Variants in ZNF41 observed in about 807,000 individuals in gnomAD.
The protein encoded by ZNF41 is zinc finger protein 41.
ZNF41 carries 6 observed loss-of-function variants against 9.3 expected under a neutral mutation model. That is an observed-to-expected ratio of 0.65 (90% confidence interval 0.35 to 1.28). The LOEUF is 1.28. Among genes scored for constraint, ZNF41 ranks in the 50% most tolerant of loss-of-function variants. The pLI is 0.03. For missense variants in ZNF41, 523 were observed against 585.8 expected (o/e 0.89, Z 1.11); for synonymous variants, 192 against 207.1 (o/e 0.93, Z 0.63).
chrX:47,469,305 C>G (rs1400013494), intron 1 of ZNF41, among the ~76,000 whole-genome samples: 1 of 48,059 alleles, frequency 2.1e-5, no homozygotes, highest in African/African-American at 9.9e-5. Context: ...AGCGAGACTC[C>G]GTCTCAAAAA....
At chrX:47,451,650 C>T (rs1253515366) in intron 4 of ZNF41, among the ~76,000 whole-genome samples, 5 of 112,540 alleles carry the variant, frequency 4.4e-5, no homozygotes, top group Non-Finnish European at 7.5e-5. Context: ...CCAAGGCAGG[C>T]GGATCACCTG....
intron 2 of ZNF41, among the ~76,000 whole-genome samples, chrX:47,464,400 T>G (rs966555861): frequency 2.7e-5 from 3 of 111,607 alleles, no homozygotes; most frequent in African/African-American, 9.8e-5. Flanking sequence ...CTCTGCTTCT[T>G]CTCCATCTTC....
In ZNF41 at chrX:47,475,406, G is replaced by A. The variant is rs187342969; in HGVS notation, c.-279-7646C>T. 9.9e-5 allele frequency among the ~76,000 whole-genome samples: 11 copies of A among 110,935 alleles called. 1 individual carries two copies. The highest frequency in any genetic ancestry group is 3.3e-4 in the African/African-American group (10 of 30,664). Reference sequence around the variant, plus strand: ...AGTTAAAATTTGCCATTTTAAAAAAGGCATCAGTTCTAAATGTGTATATAG... The same window carrying A: ...AGTTAAAATTTGCCATTTTAAAAAAAGCATCAGTTCTAAATGTGTATATAG... On this transcript the variant is annotated intron_variant, in intron 1 of 4. Transcript: ENST00000684689.
At chrX:47,451,424 C>A (rs2056359663) in intron 4 of ZNF41, among the ~76,000 whole-genome samples, 1 of 112,448 alleles carries the variant, frequency 8.9e-6, no homozygotes, top group East Asian at 2.8e-4. Flanking sequence ...CCCAGTTACC[C>A]TGATGTGATT....
chrX:47,466,597 C>A (rs1248688563), intron 2 of ZNF41, among the ~76,000 whole-genome samples: 2 of 110,954 alleles, frequency 1.8e-5, no homozygotes, highest in African/African-American at 6.6e-5. Context: ...TCACTGCAAC[C>A]TCCACCTCCT....
At chrX:47,469,176 TGG>T (rs1319930653) in intron 1 of ZNF41, among the ~76,000 whole-genome samples, 2 of 102,427 alleles carry the variant, frequency 2.0e-5, no homozygotes, top group Non-Finnish European at 4.0e-5. Context: ...CCGGGCGTAG[TGG>T]CGGGCGCCTG....
At chrX:47,453,672 T>G (rs1463231588) in intron 4 of ZNF41, among the ~76,000 whole-genome samples, 1 of 112,418 alleles carries the variant, frequency 8.9e-6, no homozygotes, top group Admixed American at 9.5e-5. Flanking sequence ...AGAAATAGAA[T>G]GTTTTAGGTA....
chrX:47,453,427 C>A (rs1329685244), intron 4 of ZNF41, among the ~76,000 whole-genome samples: 1 of 112,152 alleles, frequency 8.9e-6, no homozygotes, highest in Non-Finnish European at 1.9e-5. Flanking sequence ...TGGAAAATGT[C>A]TCATCTGAAT....
At chrX:47,453,760 T>C (rs748593400) in intron 4 of ZNF41, among the ~76,000 whole-genome samples, 176 of 111,720 alleles carry the variant, frequency 1.6e-3, no homozygotes, top group Non-Finnish European at 2.1e-3. Flanking sequence ...ATAGAATAAT[T>C]ACAATTCAGG....
chrX:47,472,241 C>T (rs1044975675), intron 1 of ZNF41, among the ~76,000 whole-genome samples: 2 of 110,361 alleles, frequency 1.8e-5, no homozygotes, highest in Admixed American at 9.8e-5. Context: ...TGTAAATGCC[C>T]ATCAACATCA....
Position 47,448,813 on chromosome X carries a change from A to G in ZNF41, c.957T>C (p.Ser319=), listed in dbSNP as rs1233498426. The G allele has an allele frequency of 4.1e-6, 5 of 1,209,857 alleles. No homozygotes were observed. Among genetic ancestry groups the G allele is most frequent in the Non-Finnish European group, 5.6e-6 (5 of 895,213 alleles). The change falls in exon 5 of 5, where the codon AGT becomes AGC. Residue 319 remains serine (S), a synonymous_variant. Coordinates refer to ENST00000684689, the MANE Select transcript of ZNF41 (RefSeq NM_001324144.2). ...GATAGGGTTTTTCTCCTGTATAAAC[A>G]CTTGGATGTACATCAACCTGGGGTT... ...PQKPQVDVHP[S]VYTGEKPYLC... is the part of the protein sequence containing the mutation.
rs184333244 is a variant in ZNF41, at chrX:47,453,788, C to T, written c.295+2133G>A. 3.3e-3 allele frequency among the ~76,000 whole-genome samples: 369 copies of T among 111,664 alleles called. 1 individual carries two copies. Among genetic ancestry groups the T allele is most frequent in the African/African-American group, 0.012 (357 of 30,839 alleles). ...AATTCAGGCAGCAGAAAATATGGAG[C>T]TGGCCGGGCGCGGTGGGTCACACCT... On this transcript the variant is annotated intron_variant, in intron 4 of 4. Coordinates refer to ENST00000684689, the MANE Select transcript of ZNF41 (RefSeq NM_001324144.2).
In ZNF41 at chrX:47,448,492, G is replaced by C. The variant is rs761460937; in HGVS notation, c.1278C>G (p.Leu426=). 10 of 1,209,730 alleles carry C rather than the reference G, an allele frequency of 8.3e-6. No individual in the cohort carries two copies. The highest frequency in any genetic ancestry group is 2.2e-5 in the Admixed American group (1 of 45,610). Residue 426 remains leucine, a synonymous_variant, in exon 5 of 5, where the codon CTC becomes CTG. Transcript: ENST00000684689. ...CGKAFTRKSA[L]RMHQRIHTGE... ...CCGTGTGGATTCTCTGATGCATCCT[G>C]AGTGCTGATTTTCTTGTGAAAGCCT...
At chrX:47,469,050 G>A (rs2057082817) in intron 1 of ZNF41, among the ~76,000 whole-genome samples, 1 of 110,463 alleles carries the variant, frequency 9.1e-6, no homozygotes, top group African/African-American at 3.3e-5. Flanking sequence ...GGTGGCTCAC[G>A]CCTGTAATCC....
chrX:47,462,971 G>A (rs904846306), intron 2 of ZNF41, among the ~76,000 whole-genome samples: 2 of 101,422 alleles, frequency 2.0e-5, no homozygotes, highest in African/African-American at 3.7e-5. Flanking sequence ...ACACACATAT[G>A]TGTACACACA....
At chrX:47,461,841 T>G (rs767620680) in intron 2 of ZNF41, among the ~76,000 whole-genome samples, 1 of 110,601 alleles carries the variant, frequency 9.0e-6, no homozygotes, top group South Asian at 3.8e-4. Context: ...CCTTAGTAGC[T>G]GAGACTACAG....
chrX:47,467,432 T>G lies in ZNF41; in HGVS notation c.50A>C (p.Glu17Ala). Residue 17 changes from glutamate to alanine, a missense_variant, in exon 2 of 5, where the codon GAG becomes GCG. Glu to Ala is a moderately radical substitution (Grantham distance 107). Coordinates refer to ENST00000684689, the MANE Select transcript of ZNF41 (RefSeq NM_001324144.2). The part of the protein sequence containing the change: ...SPPWSPALAA[E>A]GRGSSCEASV... ...CACCTCACATGAGCTGCCACGTCCC[T>G]CTGCAGCCAGGGCCGGGGACCATGG... The G allele has an allele frequency of 1.7e-6, 2 of 1,188,996 alleles. No homozygotes were observed. The highest frequency in any genetic ancestry group is 2.3e-6 in the Non-Finnish European group (2 of 883,037).
At chrX:47,468,902 GCAA>G (rs1202675035) in intron 1 of ZNF41, among the ~76,000 whole-genome samples, 5 of 111,743 alleles carry the variant, frequency 4.5e-5, no homozygotes, top group Non-Finnish European at 9.4e-5. Context: ...AGATTTATTT[GCAA>G]CAACAGAAGC....
chrX:47,447,708 C>T lies in ZNF41; in HGVS notation c.2062G>A (p.Glu688Lys). The change falls in exon 5 of 5, where the codon GAG becomes AAG. Residue 688 changes from glutamate (E) to lysine (K), a missense_variant. Glu to Lys is a moderately conservative substitution (Grantham distance 56). Coordinates refer to ENST00000684689, the MANE Select transcript of ZNF41 (RefSeq NM_001324144.2). ...LITHQKIHTR[E>K]KPYECGDCGK... is the part of the protein sequence containing the mutation. Reference sequence around the variant, plus strand: ...CAGTCACCACATTCATAGGGTTTCTCCCTAGTGTGGATTTTCTGATGTGTT... The same window carrying T: ...CAGTCACCACATTCATAGGGTTTCTTCCTAGTGTGGATTTTCTGATGTGTT... 8.3e-7 allele frequency: 1 copy of T among 1,211,525 alleles called. No individual in the cohort carries two copies. The highest frequency in any genetic ancestry group is 1.1e-6 in the Non-Finnish European group (1 of 895,514).
Sources: gnomAD v4.1 joint callset for allele counts (sites outside exome capture counted in the v4.1 genomes callset) on GRCh38, gnomAD v4.1.1 for gene constraint, MANE v1.5 for transcripts, NCBI Gene and HGNC (gene_info 2026-07-23, HGNC 2026-07-21) for gene names.